Variants in VPS39 observed in about 807,000 individuals in gnomAD.
VPS39 encodes the protein VPS39 subunit of HOPS complex, also known as vam6/Vps39-like protein.
In VPS39, 70 loss-of-function variants were observed where a neutral mutation model predicts 121.0. That is an observed-to-expected ratio of 0.58 (90% CI 0.48 to 0.71). The LOEUF (loss-of-function observed/expected upper bound fraction) is 0.71. Ranked by LOEUF, VPS39 falls within the 30% of genes least tolerant of loss-of-function variation. The pLI, the probability that VPS39 is intolerant of heterozygous loss-of-function variation, is 0.00. For synonymous variants in VPS39, 378 were observed against 398.1 expected (o/e 0.95, Z 0.60); for missense variants, 818 against 1,051.5 (o/e 0.78, Z 3.07).
At chr15:42,177,666 AT>A (rs59561616) in intron 10 of VPS39, among the ~76,000 whole-genome samples, 20 of 147,908 alleles carry the variant, frequency 1.4e-4, no homozygotes, top group East Asian at 3.9e-4. Context: ...TCTCCCATTA[AT>A]TTTTTTTTTT....
chr15:42,164,063 A>T (rs1416644862), intron 19 of VPS39, among the ~76,000 whole-genome samples: 1 of 152,208 alleles, frequency 6.6e-6, no homozygotes, highest in Non-Finnish European at 1.5e-5. Context: ...AAGACAAATT[A>T]TGCCAGATTA....
intron 2 of VPS39, among the ~76,000 whole-genome samples, chr15:42,194,066 T>A (rs560582972): frequency 1.3e-5 from 2 of 152,172 alleles, no homozygotes; most frequent in Non-Finnish European, 2.9e-5. Flanking sequence ...TCATATGAGA[T>A]TACTAAAAAG....
chr15:42,164,693 G>C, intron 18 of VPS39: 1 of 1,434,344 alleles, frequency 7.0e-7, no homozygotes, highest in Non-Finnish European at 9.1e-7. Flanking sequence ...AAGCTGAATA[G>C]AGAAATACTC....
chr15:42,191,973 G>A (rs916033533), intron 2 of VPS39: 3 of 1,428,284 alleles, frequency 2.1e-6, no homozygotes, highest in African/African-American at 2.8e-5. Flanking sequence ...CTAATTTCCA[G>A]CAACTATTCT....
In VPS39 at chr15:42,178,566, G is replaced by A; in HGVS notation, c.723C>T (p.His241=). The A allele has an allele frequency of 6.2e-7, 1 of 1,614,080 alleles. No individual in the cohort carries two copies. The highest frequency in any genetic ancestry group is 1.1e-5 in the South Asian group (1 of 91,078). ...ACACTGCAATGATGTAGGGAGGCTG[G>A]TGCTCTGTGAAAGAGAACATACACA... The part of the protein sequence containing the change: ...NWTDIPVAME[H]QPPYIIAVLP... The change falls in exon 9 of 25, where the codon CAC becomes CAT. Residue 241 remains histidine, a synonymous_variant. Coordinates refer to ENST00000318006, the MANE Select transcript of VPS39 (RefSeq NM_015289.5).
At chr15:42,177,215 A>C (rs995872640) in intron 10 of VPS39, among the ~76,000 whole-genome samples, 1 of 151,868 alleles carries the variant, frequency 6.6e-6, no homozygotes, top group African/African-American at 2.4e-5. Flanking sequence ...AAATACATAA[A>C]GTAGCAATAT....
chr15:42,188,934 C>G (rs896875822), intron 5 of VPS39, among the ~76,000 whole-genome samples, 180 bp downstream of exon 5: 1 of 152,132 alleles, frequency 6.6e-6, no homozygotes, highest in Non-Finnish European at 1.5e-5. Context: ...CCACTACACT[C>G]TAGCCTGGGC....
chr15:42,166,817 T>C lies in VPS39; in HGVS notation c.1474A>G (p.Ser492Gly). 1 of 1,614,234 alleles carries C rather than the reference T, an allele frequency of 6.2e-7. No homozygotes were observed. Among genetic ancestry groups the C allele is most frequent in the Non-Finnish European group, 8.5e-7 (1 of 1,180,028 alleles). The change falls in exon 14 of 25, where the codon AGT becomes GGT. Residue 492 changes from serine (S) to glycine (G), a missense_variant. Physicochemically the swap from Ser to Gly is moderately conservative, Grantham distance 56. Transcript: ENST00000318006. Reference protein sequence around the residue: ...EHVLKKAHKYSELIILYEKKG... With the variant: ...EHVLKKAHKYGELIILYEKKG... ...TTCTCATACAGGATGATAAGCTCACTGTACTTGTGAGCCTTCTTTAGCACG... is the reference window on the plus strand; with the variant it reads ...TTCTCATACAGGATGATAAGCTCACCGTACTTGTGAGCCTTCTTTAGCACG...
chr15:42,195,976 G>T (rs28767320), intron 2 of VPS39, among the ~76,000 whole-genome samples: 20,929 of 152,038 alleles, frequency 0.14, 1,850 homozygotes, highest in South Asian at 0.24. Context: ...AACAGAGATA[G>T]AGACAAATGG....
rs1049437624 is a variant in VPS39, at chr15:42,165,241, A to T, written c.1780-128T>A. ...ATCCCCTAATCGGGCTGCAAAGATG[A>T]CTAAGAGACAGCTCGTCTAAAGCCA... is the stretch of plus-strand genomic sequence containing the variant. On this transcript the variant is annotated intron_variant, in intron 17 of 24. Transcript: ENST00000318006. The T allele has an allele frequency of 4.8e-6, 4 of 833,240 alleles. No homozygotes were observed. In the African/African-American group the frequency reaches 5.1e-5, roughly 11 times the overall value. 51.6% of individuals were successfully genotyped at this position (833,240 alleles called of 1,614,324 possible).
At chr15:42,200,099 T>C in intron 1 of VPS39, 138 bp from the exon 2 acceptor site, 4 of 779,562 alleles carry the variant, frequency 5.1e-6, no homozygotes, top group Non-Finnish European at 7.6e-6. Flanking sequence ...TGAGTTGCTT[T>C]TGATAGGAGG....
Position 42,187,712 on chromosome 15 carries a change from T to C in VPS39, c.441+46A>G, listed in dbSNP as rs746696369. 9.5e-6 allele frequency: 15 copies of C among 1,578,926 alleles called. No homozygotes were observed. The Middle Eastern group carries it at 5.0e-4, about 52-fold the overall frequency. ...CTGAACTTCACTAGAACCGAGCCAC[T>C]GCAGCAGCTCCCACCCAACCATGGA... On this transcript the variant is annotated intron_variant, in intron 6 of 24. Transcript: ENST00000318006.
In VPS39 at chr15:42,162,491, A is replaced by G. The variant is rs745334366; in HGVS notation, c.2176-10T>C. On this transcript the variant is annotated splice_polypyrimidine_tract_variant and intron_variant, in intron 21 of 24. Transcript: ENST00000318006. ...GCAGGGACAGATACACCTGTCTCAGAGAGACATGAGCTACGTCAGGCTGGC... is the reference window on the plus strand; with the variant it reads ...GCAGGGACAGATACACCTGTCTCAGGGAGACATGAGCTACGTCAGGCTGGC... 13 of 1,588,240 alleles carry G rather than the reference A, an allele frequency of 8.2e-6. No homozygotes were observed. The highest frequency in any genetic ancestry group is 1.1e-5 in the Non-Finnish European group (13 of 1,162,854).
chr15:42,166,979 G>A, intron 13 of VPS39, 66 bp from the exon 14 acceptor site: 1 of 1,602,554 alleles, frequency 6.2e-7, no homozygotes, highest in Non-Finnish European at 8.5e-7. Context: ...CCTGGCCCAG[G>A]CCTGCTCTAG....
chr15:42,205,174 G>A (rs2050143449), intron 1 of VPS39, among the ~76,000 whole-genome samples: 2 of 152,074 alleles, frequency 1.3e-5, no homozygotes, highest in Admixed American at 1.3e-4. Flanking sequence ...TTTAGGTACT[G>A]CAGATATAGC....
intron 16 of VPS39, 128 bp from the exon 17 acceptor site, chr15:42,165,944 C>A: frequency 1.0e-6 from 1 of 956,178 alleles, no homozygotes; most frequent in Non-Finnish European, 1.6e-6. Flanking sequence ...CATCTGTAGG[C>A]AGTCAGCATG....
chr15:42,173,308 G>C (rs2049382663), intron 11 of VPS39, among the ~76,000 whole-genome samples: 1 of 152,222 alleles, frequency 6.6e-6, no homozygotes, highest in South Asian at 2.1e-4. Context: ...CATGTCTAGA[G>C]GTTTCAGGAC....
intron 17 of VPS39, 30 bp from the exon 18 acceptor site, chr15:42,165,143 G>C (rs1433226181): frequency 6.2e-7 from 1 of 1,602,300 alleles, no homozygotes; most frequent in Admixed American, 1.7e-5. Context: ...TTTGTCACTG[G>C]TATTCTCCAG....
intron 8 of VPS39, among the ~76,000 whole-genome samples, chr15:42,183,484 G>A (rs549706743): frequency 2.6e-5 from 4 of 152,112 alleles, no homozygotes; most frequent in Admixed American, 2.0e-4. Flanking sequence ...TCTACCAACT[G>A]GCCCTATTTC....
Sources: gnomAD v4.1 joint callset for allele counts (sites outside exome capture counted in the v4.1 genomes callset) on GRCh38, gnomAD v4.1.1 for gene constraint, MANE v1.5 for transcripts, NCBI Gene and HGNC (gene_info 2026-07-23, HGNC 2026-07-21) for gene names.